The following SPACA6 variants were observed in gnomAD, a reference collection of about 807,000 sequenced individuals.
SPACA6 encodes sperm acrosome membrane-associated protein 6.
For missense variants in SPACA6, 8 were observed against 2.8 expected, an observed-to-expected ratio of 2.88 and a Z score of -1.34; for synonymous variants, 6 against 1.5, an observed-to-expected ratio of 4.05 and a Z score of -2.21.
In SPACA6 at chr19:51,693,680, C is replaced by T. The variant is rs2083397428; in HGVS notation, c.154C>T (p.Leu52Phe). ...QMFVGMRSPK[L>F]EECEEAFTAA... ...GTTTGTTGGGATGCGGAGCCCCAAG[C>T]TTGAAGAGTGTGAGGAGGCCTTCAC... The change falls in exon 1 of 9, where the codon CTT becomes TTT. Residue 52 changes from leucine (L) to phenylalanine (F), a missense_variant. Leu to Phe is a conservative substitution (Grantham distance 22). Coordinates refer to ENST00000637797, the MANE Select transcript of SPACA6 (RefSeq NM_001316972.2). 3 of 413,718 alleles carry T rather than the reference C, an allele frequency of 7.3e-6. No individual in the cohort carries two copies. The highest frequency in any genetic ancestry group is 8.6e-6 in the Non-Finnish European group (2 of 232,754). The allele number at this position is 413,718 out of a possible 1,614,324, so 25.6% of individuals were successfully genotyped here.
rs1357699058 is a variant in SPACA6 at position 51,703,046 on chromosome 19, C to T, written c.411C>T (p.Phe137=). 4.0e-5 allele frequency: 16 copies of T among 399,158 alleles called. No individual in the cohort carries two copies. The highest frequency in any genetic ancestry group is 5.7e-5 in the Non-Finnish European group (13 of 226,206). 24.7% of individuals were successfully genotyped at this position (399,158 alleles called of 1,614,324 possible). ...PCGLQEFARR[F]LCSGCYSRVC... ...GTCTCCAGGAGTTCGCCCGGCGTTTCCTCTGCAGCGGGTGCTACTCTAGGG... is the reference window on the plus strand; with the variant it reads ...GTCTCCAGGAGTTCGCCCGGCGTTTTCTCTGCAGCGGGTGCTACTCTAGGG... Residue 137 remains phenylalanine, a synonymous_variant, in exon 5 of 9, where the codon TTC becomes TTT. Transcript: ENST00000637797. This position sits in a 1 kb window ranked among gnomAD's most constrained non-coding sequence, Gnocchi z 4.2.
chr19:51,690,186 C>T (rs1243551128), upstream of SPACA6, among the ~76,000 whole-genome samples: 2 of 151,804 alleles, frequency 1.3e-5, no homozygotes, highest in African/African-American at 4.8e-5. Context: ...AGTACACCAC[C>T]CAGTCCCCCA....
At chr19:51,705,192 A>G, downstream of SPACA6, 2 of 400,996 alleles carry the variant, frequency 5.0e-6, no homozygotes, top group Admixed American at 8.8e-5. Context: ...TCAACTCTAG[A>G]TTGTTTCATC....
At chr19:51,691,487 T>G (rs1341232574), upstream of SPACA6, among the ~76,000 whole-genome samples, 14 of 126,638 alleles carry the variant, frequency 1.1e-4, no homozygotes, top group African/African-American at 2.5e-4. Context: ...AAGGGGAGGA[T>G]GAAAGACAGA....
At chr19:51,685,199 C>A (rs1246936706), upstream of SPACA6, among the ~76,000 whole-genome samples, 3 of 152,074 alleles carry the variant, frequency 2.0e-5, no homozygotes, top group South Asian at 6.2e-4. Flanking sequence ...AAGTGCTGTT[C>A]CAAGAGGTAA....
downstream of SPACA6, chr19:51,712,975 CA>C (rs2083550036): frequency 6.3e-6 from 1 of 158,648 alleles, no homozygotes; most frequent in African/African-American, 2.4e-5. Context: ...TCCCTGTTTT[CA>C]AAAGAGGGAA....
downstream of SPACA6, among the ~76,000 whole-genome samples, chr19:51,709,505 G>A (rs1173914964): frequency 5.1e-5 from 5 of 97,862 alleles, no homozygotes; most frequent in East Asian, 7.0e-4. Flanking sequence ...CAAAAAGAGC[G>A]AAACTGCATC....
the SPACA6 span, among the ~76,000 whole-genome samples, chr19:51,683,140 C>T: frequency 6.6e-6 from 1 of 152,136 alleles, no homozygotes; most frequent in Non-Finnish European, 1.5e-5. Flanking sequence ...CTCTGTAGGC[C>T]CCTTGGTTTC....
the SPACA6 span, among the ~76,000 whole-genome samples, chr19:51,683,236 C>T: frequency 1.3e-5 from 2 of 152,166 alleles, no homozygotes; most frequent in Non-Finnish European, 2.9e-5. Flanking sequence ...CCTCCATCAT[C>T]ACATGGCCTT....
chr19:51,709,637 GAAAT>G (rs2083533155), downstream of SPACA6, among the ~76,000 whole-genome samples: 1 of 115,144 alleles, frequency 8.7e-6, no homozygotes, highest in East Asian at 2.6e-4. Flanking sequence ...AAAAAGAAAA[GAAAT>G]AAAAGATGAG....
chr19:51,705,438 TTCC>T (rs527690706), downstream of SPACA6: 483 of 252,834 alleles, frequency 1.9e-3, 3 homozygotes, highest in Non-Finnish European at 1.6e-4. Flanking sequence ...CCCCAAGGCT[TTCC>T]TCCTACCAGA....
upstream of SPACA6, among the ~76,000 whole-genome samples, chr19:51,690,543 G>A (rs1419090057): frequency 6.6e-6 from 1 of 152,036 alleles, no homozygotes; most frequent in Non-Finnish European, 1.5e-5. Context: ...TAGTTGCCAT[G>A]GTGCCAGACT....
chr19:51,684,162 G>C (rs555346691), upstream of SPACA6, among the ~76,000 whole-genome samples: 2 of 152,132 alleles, frequency 1.3e-5, no homozygotes, highest in Non-Finnish European at 2.9e-5. Context: ...ATCAGTGCTT[G>C]GACATTCTTG....
chr19:51,711,261 C>A (rs894480405), intron 2 of SPACA6, among the ~76,000 whole-genome samples: 3 of 152,110 alleles, frequency 2.0e-5, no homozygotes, highest in African/African-American at 7.2e-5. Flanking sequence ...GCATGACCAT[C>A]TGATTGGCTT....
At chr19:51,712,488 T>C (rs931203867), downstream of SPACA6, 7 of 152,396 alleles carry the variant, frequency 4.6e-5, no homozygotes, top group African/African-American at 1.4e-4. Flanking sequence ...TATGTTCAGA[T>C]GCTGATGGGA....
upstream of SPACA6, among the ~76,000 whole-genome samples, chr19:51,690,090 T>A (rs558353984): frequency 6.6e-6 from 1 of 150,502 alleles, no homozygotes; most frequent in African/African-American, 2.4e-5. Context: ...GGGCAGGAGA[T>A]GTCTGGAGGA....
upstream of SPACA6, among the ~76,000 whole-genome samples, chr19:51,684,852 G>T (rs184058944): frequency 7.2e-5 from 11 of 152,316 alleles, no homozygotes; most frequent in Non-Finnish European, 2.9e-5. Flanking sequence ...ATCATCTCGT[G>T]ATTTTAGGCT....
downstream of SPACA6, among the ~76,000 whole-genome samples, chr19:51,706,239 C>T (rs951082783): frequency 6.6e-6 from 1 of 152,114 alleles, no homozygotes; most frequent in Admixed American, 6.5e-5. Flanking sequence ...TACTTCTTGC[C>T]CTCTCTAGGG....
At chr19:51,697,451 C>T (rs988393975) in intron 2 of SPACA6, among the ~76,000 whole-genome samples, 4 of 152,170 alleles carry the variant, frequency 2.6e-5, no homozygotes, top group African/African-American at 9.7e-5. Flanking sequence ...TTGCCATACA[C>T]AGAGTCATTC....
Sources: gnomAD v4.1 joint callset for allele counts (sites outside exome capture counted in the v4.1 genomes callset) on GRCh38, gnomAD v4.1.1 for gene constraint, Gnocchi (gnomAD v3.1) non-coding constraint, MANE v1.5 for transcripts, NCBI Gene and HGNC (gene_info 2026-07-23, HGNC 2026-07-21) for gene names.